The following NOS1AP variants were observed in gnomAD, a reference collection of about 807,000 sequenced individuals.
NOS1AP encodes nitric oxide synthase 1 adaptor protein.
A neutral mutation model predicts 56.2 loss-of-function variants in NOS1AP; 21 were observed. That is an observed-to-expected ratio of 0.37 (90% CI 0.26 to 0.54). NOS1AP has a LOEUF of 0.54. NOS1AP is among the 20% of genes least tolerant of loss of function. The pLI is 0.84. For missense variants in NOS1AP, 522 were observed against 657.8 expected (o/e 0.79, Z 2.26); for synonymous variants, 270 against 274.6 (o/e 0.98, Z 0.17).
intron 2 of NOS1AP, among the ~76,000 whole-genome samples, chr1:162,274,042 G>A (rs1268385164): frequency 6.6e-6 from 1 of 152,058 alleles, no homozygotes; most frequent in Admixed American, 6.5e-5. Context: ...ACAGGTCTTT[G>A]TGGGAACATA....
At chr1:162,174,509 T>C (rs949386937) in intron 2 of NOS1AP, among the ~76,000 whole-genome samples, 1 of 152,072 alleles carries the variant, frequency 6.6e-6, no homozygotes, top group African/African-American at 2.4e-5. Context: ...TGTATACATA[T>C]GTAACAAACC....
Position 162,287,424 on chromosome 1 carries a change from G to A in NOS1AP, c.258G>A (p.Lys86=). The change falls in exon 3 of 10, where the codon AAG becomes AAA. Residue 86 remains lysine (K), a synonymous_variant. Transcript: ENST00000361897. ...VSVDGVKVIL[K]KKKKLLLLQK... is the part of the protein sequence containing the mutation. ...TGGATGGAGTGAAAGTGATTCTGAA[G>A]AAGAAGAAAAAGGTAAGTGGCTCTG... 1.9e-6 allele frequency: 3 copies of A among 1,611,540 alleles called. No homozygotes were observed. The highest frequency in any genetic ancestry group is 2.5e-6 in the Non-Finnish European group (3 of 1,177,662).
At chr1:162,084,104 A>T (rs1162440740) in intron 1 of NOS1AP, among the ~76,000 whole-genome samples, 1 of 152,186 alleles carries the variant, frequency 6.6e-6, no homozygotes, top group East Asian at 1.9e-4. Context: ...TTGCTTGTTG[A>T]AGCATTCTTA....
At chr1:162,287,307 A>G in intron 2 of NOS1AP, 37 bp from the exon 3 acceptor site, 1 of 1,444,634 alleles carries the variant, frequency 6.9e-7, no homozygotes, top group Non-Finnish European at 9.8e-7. Context: ...TGATCTCATC[A>G]GATTGCACTT....
At chr1:162,190,952 TAGGGTAACCATCATC>T (rs1179934493) in intron 2 of NOS1AP, among the ~76,000 whole-genome samples, 4 of 152,158 alleles carry the variant, frequency 2.6e-5, no homozygotes, top group Admixed American at 6.5e-5. Context: ...GATGAGATGC[TAGGGTAACCATCATC>T]AGGGTTTTTG....
At chr1:162,265,197 T>G (rs1654380252) in intron 2 of NOS1AP, among the ~76,000 whole-genome samples, 1 of 151,610 alleles carries the variant, frequency 6.6e-6, no homozygotes. Context: ...CTGACTATGT[T>G]ACTTCTCCCT....
chr1:162,110,294 C>A (rs568740986), intron 1 of NOS1AP, among the ~76,000 whole-genome samples: 2 of 152,166 alleles, frequency 1.3e-5, no homozygotes, highest in African/African-American at 4.8e-5. Flanking sequence ...ACATGTTCAC[C>A]AGCCAAATAA....
At chr1:162,262,261 CTATAAA>C (rs1654263091) in intron 2 of NOS1AP, among the ~76,000 whole-genome samples, 1 of 152,132 alleles carries the variant, frequency 6.6e-6, no homozygotes, top group African/African-American at 2.4e-5. Flanking sequence ...GCATCACTTA[CTATAAA>C]TATAAGCTAG....
chr1:162,330,044 C>T (rs943622994), intron 4 of NOS1AP, among the ~76,000 whole-genome samples: 1 of 152,206 alleles, frequency 6.6e-6, no homozygotes, highest in African/African-American at 2.4e-5. Context: ...TTCCTCTGTT[C>T]CTTCCACATC....
chr1:162,274,519 T>A (rs767506976), intron 2 of NOS1AP, among the ~76,000 whole-genome samples: 1 of 152,262 alleles, frequency 6.6e-6, no homozygotes, highest in Non-Finnish European at 1.5e-5. Flanking sequence ...TTTAATTTTA[T>A]CTATTCTAAT....
chr1:162,210,217 A>T (rs1447744446), intron 2 of NOS1AP, among the ~76,000 whole-genome samples: 4 of 152,068 alleles, frequency 2.6e-5, no homozygotes, highest in Non-Finnish European at 5.9e-5. Flanking sequence ...GAGTAGGCTG[A>T]GGTGCAAGGG....
In NOS1AP at chr1:162,307,730, G is replaced by T. The variant is rs188993643; in HGVS notation, c.344+7024G>T. Among the ~76,000 whole-genome samples the T allele has an allele frequency of 5.9e-3, 902 of 152,036 alleles. 9 individuals are homozygous for T. The highest frequency in any genetic ancestry group is 0.021 in the African/African-American group (873 of 41,444). On this transcript the variant is annotated intron_variant, in intron 4 of 9. Transcript: ENST00000361897. ...GGAGGCTGAGGCAGGAGAGTGGCGT[G>T]AACCTGGGAGGCAGAGCTTGCAGTG...
At chr1:162,138,161 G>A (rs1258777722) in intron 1 of NOS1AP, among the ~76,000 whole-genome samples, 3 of 152,180 alleles carry the variant, frequency 2.0e-5, no homozygotes, top group Non-Finnish European at 4.4e-5. Context: ...ACAGCTTAAA[G>A]CAATCATAAT....
At chr1:162,227,080 T>C (rs964224113) in intron 2 of NOS1AP, among the ~76,000 whole-genome samples, 6 of 152,216 alleles carry the variant, frequency 3.9e-5, no homozygotes, top group African/African-American at 1.4e-4. Context: ...TACATGGTTA[T>C]AGAAAATGTG....
At position 162,269,036 on chromosome 1, in the gene NOS1AP, A is replaced by C. The variant is rs748817974; in HGVS notation, c.178-18308A>C. Among the ~76,000 whole-genome samples the C allele has an allele frequency of 5.5e-4, 84 of 152,230 alleles. 1 individual carries two copies. Among genetic ancestry groups the C allele is most frequent in the Non-Finnish European group, 1.2e-4 (8 of 68,038 alleles). ...GAATAATCACCACAATGAAAATGAA[A>C]GGAGCCACTAGTACCCCAGGCAGAT... On this transcript the variant is annotated intron_variant, in intron 2 of 9. Transcript: ENST00000361897.
intron 1 of NOS1AP, among the ~76,000 whole-genome samples, chr1:162,101,725 G>A (rs1647279857): frequency 6.6e-6 from 1 of 152,044 alleles, no homozygotes; most frequent in Admixed American, 6.6e-5. Context: ...GTTCATTCAT[G>A]ATTTGGCTCT....
intron 2 of NOS1AP, among the ~76,000 whole-genome samples, chr1:162,181,120 C>A (rs1157909050): frequency 6.6e-6 from 1 of 152,144 alleles, no homozygotes; most frequent in Admixed American, 6.5e-5. Flanking sequence ...AAAAGGATTG[C>A]TGGAGAACTG....
chr1:162,154,282 T>G, intron 1 of NOS1AP, 123 bp from the exon 2 acceptor site: 1 of 798,038 alleles, frequency 1.3e-6, no homozygotes, highest in South Asian at 1.5e-5. Context: ...AACACCCTGC[T>G]GGCTCTTAAT....
intron 1 of NOS1AP, among the ~76,000 whole-genome samples, chr1:162,150,177 T>G (rs1649652373): frequency 6.6e-6 from 1 of 152,216 alleles, no homozygotes; most frequent in South Asian, 2.1e-4. Context: ...ACTCTCTCTT[T>G]CCATGAGCTG....
Sources: allele counts gnomAD v4.1 joint callset (sites outside exome capture counted in the v4.1 genomes callset), GRCh38; gene constraint gnomAD v4.1.1; transcripts MANE v1.5; gene names NCBI Gene and HGNC (gene_info 2026-07-23, HGNC 2026-07-21).